Variants in TAF1 observed in about 807,000 individuals in gnomAD.
TAF1 encodes transcription initiation factor TFIID subunit 1.
TAF1 carries 2 observed loss-of-function variants against 138.5 expected under a neutral mutation model. The observed-to-expected ratio is 0.01, with a 90% CI of 0.01 to 0.05. The LOEUF is 0.05. TAF1 is among the 10% of genes least tolerant of loss of function. The pLI is 1.00. For missense variants in TAF1, 709 were observed against 1,478.0 expected (o/e 0.48, Z 8.53); for synonymous variants, 437 against 503.2 (o/e 0.87, Z 1.76).
At position 71,415,128 on chromosome X, in the gene TAF1, C is replaced by CTT. The variant is rs1158533765; in HGVS notation, c.4385-6153_4385-6152dup. On this transcript the variant is annotated intron_variant, in intron 28 of 37. Transcript: ENST00000423759. ...CTTTGTGAACTTGGGAAAGTTTTGTCTTTTTTTTTTTTTTTTTTTTTTTTT... is the reference window on the plus strand; with the variant it reads ...CTTTGTGAACTTGGGAAAGTTTTGTCTTTTTTTTTTTTTTTTTTTTTTTTTTT... Among the ~76,000 whole-genome samples the CTT allele has an allele frequency of 8.0e-3, 415 of 51,596 alleles. 55 individuals are homozygous for CTT. The highest frequency in any genetic ancestry group is 0.016 in the East Asian group (28 of 1,781). 44.8% of individuals were successfully genotyped at this position (51,596 alleles called of 115,157 possible).
chrX:71,424,111 C>T (rs1555988819), intron 31 of TAF1, 43 bp from the exon 32 acceptor site: 1 of 1,187,104 alleles, frequency 8.4e-7, no homozygotes, highest in South Asian at 1.8e-5. Flanking sequence ...AATCAAGTGA[C>T]TGTGTGTGTG....
chrX:71,494,321 G>C lies in TAF1; in HGVS notation c.1366+33518G>C, dbSNP rs1413769534. 2.7e-5 allele frequency among the ~76,000 whole-genome samples: 3 copies of C among 110,246 alleles called. No individual in the cohort carries two copies. The Admixed American group carries it at 2.9e-4, about 11-fold the overall frequency. ...ACCTGTAGTCCTAGCTACTTGGAAG[G>C]CTGAGGCAGAAGAATCGCTTGAACC... On this transcript the variant is annotated intron_variant and NMD_transcript_variant, in intron 13 of 14. Transcript: ENST00000373775.
chrX:71,443,746 C>T (rs1161463862), intron 32 of TAF1, among the ~76,000 whole-genome samples: 3 of 111,587 alleles, frequency 2.7e-5, no homozygotes, highest in Non-Finnish European at 5.6e-5. Context: ...GAGACAGAGT[C>T]TCACACTGTC....
chrX:71,527,279 G>C (rs182221456), intron 13 of TAF1, among the ~76,000 whole-genome samples: 12 of 107,925 alleles, frequency 1.1e-4, no homozygotes, highest in Admixed American at 8.0e-4. Flanking sequence ...CCAGCTACTC[G>C]GGAGTCTGAG....
At chrX:71,389,015 C>T (rs778759929) in intron 17 of TAF1, 147 bp downstream of exon 17, 24 of 676,929 alleles carry the variant, frequency 3.5e-5, no homozygotes, top group Non-Finnish European at 4.8e-5. Context: ...CTAAAAAGTT[C>T]AATTTGTATA....
In TAF1 at chrX:71,456,649, C is replaced by CTTTTTTTTTT. The variant is rs776321706; in HGVS notation, c.4939-1558_4939-1549dup. Among the ~76,000 whole-genome samples, 30 of 26,828 alleles carry CTTTTTTTTTT rather than the reference C, an allele frequency of 1.1e-3. 6 individuals are homozygous for CTTTTTTTTTT. The highest frequency in any genetic ancestry group is 1.9e-3 in the African/African-American group (12 of 6,186). 23.3% of individuals were successfully genotyped at this position (26,828 alleles called of 115,157 possible). A position where few individuals can be genotyped will look rare whatever the true frequency, so the allele number is the denominator to read the frequency against. The stretch of plus-strand genomic sequence containing the variant: ...ATGGTGGTGGTCAATAATGTATTTT[C>CTTTTTTTTTT]TTTTTTTTTTTTTTTTTTTTTTTTT... On this transcript the variant is annotated intron_variant, in intron 34 of 37. Coordinates refer to ENST00000423759, the MANE Select transcript of TAF1 (RefSeq NM_004606.5).
Position 71,388,301 on chromosome X carries a change from T to C in TAF1, c.2492T>C (p.Ile831Thr). 5.8e-6 allele frequency: 7 copies of C among 1,211,491 alleles called. No homozygotes were observed. The highest frequency in any genetic ancestry group is 3.0e-5 in the East Asian group (1 of 33,837). The change falls in exon 16 of 38, where the codon ATA becomes ACA. Residue 831 changes from isoleucine (I) to threonine (T), a missense_variant. By Grantham distance (89) the Ile-to-Thr change is moderately conservative. Transcript: ENST00000423759. ...CCACGGAGGATACGAATGGAAGATATAAAAAAAGCCTTTCCTTCCCATTCA... is the reference window on the plus strand; with the variant it reads ...CCACGGAGGATACGAATGGAAGATACAAAAAAAGCCTTTCCTTCCCATTCA... ...DRPRRIRMED[I>T]KKAFPSHSES...
In TAF1 at chrX:71,393,262, GTGTA is replaced by G. The variant is rs746060039; in HGVS notation, c.3052-37_3052-34del. 71 of 1,145,095 alleles carry G rather than the reference GTGTA, an allele frequency of 6.2e-5. No individual in the cohort carries two copies. In the East Asian group the frequency reaches 1.5e-3, roughly 24 times the overall value. 94.4% of individuals were successfully genotyped at this position (1,145,095 alleles called of 1,213,427 possible). ...TGTGTGTGTGTGTGTGTGTGTGTGT[GTGTA>G]TATTTATATTTGTGTGTGGCTATTT... is the stretch of plus-strand genomic sequence containing the variant. On this transcript the variant is annotated intron_variant, in intron 20 of 37. Coordinates refer to ENST00000423759, the MANE Select transcript of TAF1 (RefSeq NM_004606.5).
intron 13 of TAF1, among the ~76,000 whole-genome samples, chrX:71,483,740 ATCTCTCTCTCTCTCTC>A (rs1167670247): frequency 1.6e-5 from 1 of 62,389 alleles, no homozygotes. Flanking sequence ...TATTGTGAAC[ATCTCTCTCTCTCTCTC>A]TCTCTCTCTC....
chrX:71,500,663 G>A lies in TAF1; in HGVS notation c.1367-27879G>A, dbSNP rs760449003. ...CTCTTAGACCACAAAGAGGACCGACGAAGGTCGGATTTAGTGGACCTTACC... is the reference window on the plus strand; with the variant it reads ...CTCTTAGACCACAAAGAGGACCGACAAAGGTCGGATTTAGTGGACCTTACC... On this transcript the variant is annotated intron_variant and NMD_transcript_variant, in intron 13 of 14. Transcript: ENST00000373775. Among the ~76,000 whole-genome samples the A allele has an allele frequency of 6.4e-5, 7 of 109,981 alleles. No homozygotes were observed. In the South Asian group the frequency reaches 2.4e-3, roughly 38 times the overall value.
intron 13 of TAF1, among the ~76,000 whole-genome samples, chrX:71,481,215 G>T (rs996448111): frequency 3.6e-5 from 4 of 111,836 alleles, no homozygotes; most frequent in Non-Finnish European, 5.7e-5. Flanking sequence ...GGAGGGGGAG[G>T]TTGCAGTGAG....
At chrX:71,491,055 T>A (rs1455718724) in intron 13 of TAF1, 1 of 100,093 alleles carries the variant, frequency 1.0e-5, no homozygotes, top group South Asian at 4.6e-4. Context: ...TTTTTTTTTT[T>A]TTTTTTTTTT....
intron 28 of TAF1, among the ~76,000 whole-genome samples, chrX:71,418,634 G>T (rs1266020617): frequency 8.9e-6 from 1 of 112,263 alleles, no homozygotes; most frequent in Non-Finnish European, 1.9e-5. Flanking sequence ...GGAATTACTT[G>T]CTAGATGAAA....
Position 71,367,601 on chromosome X carries a change from G to A in TAF1, c.223G>A (p.Val75Ile). 1 of 1,211,707 alleles carries A rather than the reference G, an allele frequency of 8.3e-7. No individual in the cohort carries two copies. Among genetic ancestry groups the A allele is most frequent in the Non-Finnish European group, 1.1e-6 (1 of 895,466 alleles). The change falls in exon 2 of 38, where the codon GTA becomes ATA. Residue 75 changes from valine to isoleucine, a missense_variant. Val to Ile is a conservative substitution (Grantham distance 29, BLOSUM62 3). Transcript: ENST00000423759. ...ATTGACCGGGACTGACGGTGCCTTG[G>A]TAAATGATGAAGGTGAAGTCTGGGT... ...EELTGTDGAL[V>I]NDEGWVRSTE...
intron 13 of TAF1, among the ~76,000 whole-genome samples, chrX:71,514,108 TG>T (rs1046003436): frequency 7.2e-5 from 8 of 111,557 alleles, no homozygotes; most frequent in African/African-American, 2.6e-4. Flanking sequence ...CTTTAAGAGC[TG>T]TAACACTCAC....
At chrX:71,379,084 C>T in intron 8 of TAF1, 53 bp downstream of exon 8, 2 of 998,369 alleles carry the variant, frequency 2.0e-6, no homozygotes, top group South Asian at 4.5e-5. Context: ...ATCTTAGTCA[C>T]CATAAGTGGG....
intron 13 of TAF1, among the ~76,000 whole-genome samples, chrX:71,483,772 C>A (rs868043087): frequency 0.021 from 1,529 of 74,475 alleles, 17 homozygotes; most frequent in African/African-American, 0.032. Flanking sequence ...CTCTCTCTCT[C>A]TCTCTCTCTA....
intron 13 of TAF1, among the ~76,000 whole-genome samples, chrX:71,504,333 C>G (rs942519760): frequency 9.1e-6 from 1 of 110,341 alleles, no homozygotes; most frequent in Non-Finnish European, 1.9e-5. Context: ...AGTCTGGGAA[C>G]TCATTTCATT....
At chrX:71,439,694 A>C (rs2037318824) in intron 32 of TAF1, among the ~76,000 whole-genome samples, 1 of 111,911 alleles carries the variant, frequency 8.9e-6, no homozygotes, top group African/African-American at 3.2e-5. Flanking sequence ...AGCAGTCAAA[A>C]AGAAAATTAC....
Sources: gnomAD v4.1 joint callset for allele counts (sites outside exome capture counted in the v4.1 genomes callset) on GRCh38, gnomAD v4.1.1 for gene constraint, MANE v1.5 for transcripts, NCBI Gene and HGNC (gene_info 2026-07-23, HGNC 2026-07-21) for gene names.